CPNE8: variants seen among roughly 807,000 people sequenced by gnomAD.
CPNE8 encodes copine-8.
In CPNE8, 45 loss-of-function variants were observed where a neutral mutation model predicts 81.5. That is an observed-to-expected ratio of 0.55 (90% CI 0.44 to 0.71). The LOEUF is 0.71. Ranked by LOEUF, CPNE8 falls within the 30% of genes least tolerant of loss-of-function variation. The probability of loss-of-function intolerance (pLI) is 0.00; values close to 1 mark genes in which losing one functional copy is unlikely to be tolerated. For missense variants in CPNE8, 594 were observed against 672.1 expected (o/e 0.88, Z 1.28); for synonymous variants, 252 against 226.3 (o/e 1.11, Z -1.02).
At chr12:38,800,064 G>A (rs1259494393) in intron 6 of CPNE8, among the ~76,000 whole-genome samples, 2 of 128,748 alleles carry the variant, frequency 1.6e-5, no homozygotes, top group African/African-American at 2.7e-5. Context: ...CTGCAAGGCG[G>A]CAACGAGGCT....
rs986308955 is a variant in CPNE8, at chr12:38,767,640, A to G, written c.570T>C (p.Asp190=). The G allele has an allele frequency of 3.2e-6, 5 of 1,543,960 alleles. No homozygotes were observed. The African/African-American group carries it at 4.2e-5, about 13-fold the overall frequency. The change falls in exon 8 of 20, where the codon GAT becomes GAC. Residue 190 remains aspartate, a synonymous_variant. Transcript: ENST00000331366. ...TGCATAAAAGATAAATCTACCTGCC[A>G]TCTTCATTACTTCGATAAAATACAA... is the stretch of plus-strand genomic sequence containing the variant. ...PFLVFYRSNE[D]GSFTICHKTE...
At chr12:38,800,099 C>T (rs1005838119) in intron 6 of CPNE8, among the ~76,000 whole-genome samples, 1 of 132,300 alleles carries the variant, frequency 7.6e-6, no homozygotes, top group Admixed American at 8.1e-5. Flanking sequence ...CGCCATTGCC[C>T]AGGCTTGCTT....
At chr12:38,834,661 G>C (rs1943352372) in intron 5 of CPNE8, among the ~76,000 whole-genome samples, 1 of 152,030 alleles carries the variant, frequency 6.6e-6, no homozygotes, top group African/African-American at 2.4e-5. Context: ...CACTTCAACT[G>C]TCACAGTCAC....
chr12:38,674,386 T>A (rs1309274997), intron 18 of CPNE8, among the ~76,000 whole-genome samples: 1 of 152,088 alleles, frequency 6.6e-6, no homozygotes, highest in Non-Finnish European at 1.5e-5. Context: ...GAAAGATACA[T>A]CCTTCAAAGT....
intron 6 of CPNE8, among the ~76,000 whole-genome samples, chr12:38,793,237 G>C (rs757430445): frequency 7.0e-6 from 1 of 141,964 alleles, no homozygotes; most frequent in Non-Finnish European, 1.5e-5. Flanking sequence ...AATTAGGCAA[G>C]AATAATAAAA....
At chr12:38,788,525 G>T (rs777010474) in intron 6 of CPNE8, among the ~76,000 whole-genome samples, 34 of 151,896 alleles carry the variant, frequency 2.2e-4, no homozygotes, top group South Asian at 4.1e-4. Context: ...AATACTGAAA[G>T]CCTTTCCTCT....
intron 19 of CPNE8, among the ~76,000 whole-genome samples, chr12:38,661,456 TG>T (rs1415795661): frequency 6.6e-6 from 1 of 151,672 alleles, no homozygotes; most frequent in East Asian, 1.9e-4. Context: ...TGGGGCCTGT[TG>T]GGGGTGGGGG....
At chr12:38,660,939 AT>A (rs1938938340) in intron 19 of CPNE8, among the ~76,000 whole-genome samples, 1 of 152,228 alleles carries the variant, frequency 6.6e-6, no homozygotes, top group African/African-American at 2.4e-5. Flanking sequence ...AATGGCAATC[AT>A]TAAAAAGCCA....
intron 1 of CPNE8, among the ~76,000 whole-genome samples, chr12:38,884,181 C>CA (rs888566212): frequency 2.0e-5 from 3 of 152,138 alleles, no homozygotes; most frequent in Non-Finnish European, 4.4e-5. Flanking sequence ...CTGAACCCAT[C>CA]AAAAATCACA....
chr12:38,834,962 G>A (rs183231007), intron 5 of CPNE8, among the ~76,000 whole-genome samples: 24 of 150,616 alleles, frequency 1.6e-4, no homozygotes, highest in African/African-American at 4.6e-4. Context: ...TGCAACCTCC[G>A]CCTCCCTGGT....
At position 38,685,472 on chromosome 12, in the gene CPNE8, T is replaced by C. The variant is rs1050411106; in HGVS notation, c.1271+18A>G. 1 of 1,610,998 alleles carries C rather than the reference T, an allele frequency of 6.2e-7. No homozygotes were observed. Among genetic ancestry groups the C allele is most frequent in the East Asian group, 2.2e-5 (1 of 44,724 alleles). On this transcript the variant is annotated intron_variant, in intron 16 of 19. Transcript: ENST00000331366. ...TTCCAGTACATCAGAATAAGCACCT[T>C]GTCTACTCTCTACTTACCTTGCTAC...
At chr12:38,718,250 CAAAG>C (rs1793366668) in intron 13 of CPNE8, among the ~76,000 whole-genome samples, 1 of 152,074 alleles carries the variant, frequency 6.6e-6, no homozygotes, top group Non-Finnish European at 1.5e-5. Context: ...TGAGCAGGAT[CAAAG>C]ACCAAGGTGT....
chr12:38,666,666 G>T (rs962613664), intron 19 of CPNE8, among the ~76,000 whole-genome samples: 2 of 152,188 alleles, frequency 1.3e-5, no homozygotes, highest in African/African-American at 4.8e-5. Context: ...TTAAGATAAA[G>T]TACAGTGTGT....
chr12:38,821,265 G>A lies in CPNE8; in HGVS notation c.407+8114C>T, dbSNP rs188220317. 4.9e-3 allele frequency among the ~76,000 whole-genome samples: 743 copies of A among 152,084 alleles called. 3 individuals carry two copies. Among genetic ancestry groups the A allele is most frequent in the Non-Finnish European group, 6.7e-3 (457 of 67,960 alleles). Reference sequence around the variant, plus strand: ...AAATGGTAAAAACCAATAAAGACAGGAACAACTTTGCATATTCATCATTGT... The same window carrying A: ...AAATGGTAAAAACCAATAAAGACAGAAACAACTTTGCATATTCATCATTGT... On this transcript the variant is annotated intron_variant, in intron 6 of 19. Transcript: ENST00000331366.
rs74416990 is a variant in CPNE8 at position 38,748,901 on chromosome 12, T to C, written c.722+11946A>G. 7.7e-3 allele frequency among the ~76,000 whole-genome samples: 1,166 copies of C among 152,346 alleles called. 15 individuals are homozygous for C. The highest frequency in any genetic ancestry group is 0.027 in the African/African-American group (1,119 of 41,574). On this transcript the variant is annotated intron_variant, in intron 10 of 19. Transcript: ENST00000331366. ...TATATTAAAATATTTGCCAGTTTCA[T>C]TTAAAAAGTTATTTAGTTTAAATAG... is the stretch of plus-strand genomic sequence containing the variant.
intron 13 of CPNE8, among the ~76,000 whole-genome samples, chr12:38,704,836 A>ATATG (rs1940058960): frequency 2.3e-5 from 1 of 43,646 alleles, no homozygotes; most frequent in Non-Finnish European, 5.8e-5. Flanking sequence ...GTATATATAT[A>ATATG]TATATATATA....
At chr12:38,754,434 AC>A (rs985588818) in intron 10 of CPNE8, among the ~76,000 whole-genome samples, 3 of 152,290 alleles carry the variant, frequency 2.0e-5, no homozygotes, top group Non-Finnish European at 2.9e-5. Flanking sequence ...TATTAAAAAA[AC>A]ACATTAAATA....
intron 6 of CPNE8, among the ~76,000 whole-genome samples, chr12:38,792,327 A>G (rs756192659): frequency 4.0e-5 from 6 of 151,430 alleles, no homozygotes; most frequent in Non-Finnish European, 8.9e-5. Flanking sequence ...ACAAAATTGA[A>G]AAACCCTTAG....
intron 6 of CPNE8, among the ~76,000 whole-genome samples, chr12:38,801,847 G>A (rs1042609861): frequency 1.0e-5 from 1 of 98,818 alleles, no homozygotes; most frequent in African/African-American, 3.6e-5. Flanking sequence ...AAAAAGGCAG[G>A]GGTTGCAATC....
Sources: gnomAD v4.1 joint callset for allele counts (sites outside exome capture counted in the v4.1 genomes callset) on GRCh38, gnomAD v4.1.1 for gene constraint, MANE v1.5 for transcripts, NCBI Gene and HGNC (gene_info 2026-07-23, HGNC 2026-07-21) for gene names.